Variants in NT5DC1 observed in about 807,000 individuals in gnomAD.
NT5DC1 encodes the protein 5'-nucleotidase domain containing 1.
In NT5DC1, 42 loss-of-function variants were observed where a neutral mutation model predicts 59.4. That is an observed-to-expected ratio of 0.71 (90% CI 0.55 to 0.92). NT5DC1 has a LOEUF of 0.92. NT5DC1 is among the 40% of genes least tolerant of loss of function. NT5DC1 has a pLI of 0.00. For synonymous variants in NT5DC1, 172 were observed against 188.1 expected, an observed-to-expected ratio of 0.91 and a Z score of 0.70; for missense variants, 501 against 537.1, an observed-to-expected ratio of 0.93 and a Z score of 0.66.
intron 9 of NT5DC1, chr6:116,237,513 G>C (rs768556310): frequency 2.2e-6 from 1 of 457,384 alleles, no homozygotes; most frequent in South Asian, 1.5e-5. Flanking sequence ...ACAGAGCCCT[G>C]CTCCATTGGC....
intron 6 of NT5DC1, among the ~76,000 whole-genome samples, chr6:116,138,301 G>T (rs956814143): frequency 6.6e-6 from 1 of 152,186 alleles, no homozygotes; most frequent in Non-Finnish European, 1.5e-5. Flanking sequence ...ACTGTTTTCT[G>T]TGGATATATT....
intron 6 of NT5DC1, among the ~76,000 whole-genome samples, chr6:116,164,222 T>C (rs2114435229): frequency 6.6e-6 from 1 of 152,318 alleles, no homozygotes; most frequent in East Asian, 1.9e-4. Flanking sequence ...GGCTTTTTAT[T>C]TTATTTTCTT....
At chr6:116,162,051 T>C (rs1780347466) in intron 6 of NT5DC1, among the ~76,000 whole-genome samples, 3 of 152,132 alleles carry the variant, frequency 2.0e-5, no homozygotes, top group Admixed American at 2.0e-4. Flanking sequence ...GTAAATGAGA[T>C]TGAGTTTTTT....
At chr6:116,231,148 T>TCCC (rs34977850) in intron 8 of NT5DC1, among the ~76,000 whole-genome samples, 2,993 of 116,526 alleles carry the variant, frequency 0.026, 104 homozygotes, top group East Asian at 0.15. Flanking sequence ...GAATGGTAAA[T>TCCC]CCCCCCCCCA....
intron 4 of NT5DC1, among the ~76,000 whole-genome samples, chr6:116,112,599 T>C (rs984418444): frequency 6.6e-6 from 1 of 152,226 alleles, no homozygotes; most frequent in African/African-American, 2.4e-5. Flanking sequence ...TTAGTTCTTC[T>C]AAATGCTGGG....
chr6:116,177,730 T>C (rs1780765039), intron 6 of NT5DC1, among the ~76,000 whole-genome samples: 1 of 151,394 alleles, frequency 6.6e-6, no homozygotes, highest in South Asian at 2.1e-4. Context: ...ATAATCTAAG[T>C]AATTAAATAA....
intron 6 of NT5DC1, among the ~76,000 whole-genome samples, chr6:116,174,616 G>A (rs139723916): frequency 6.6e-6 from 1 of 152,336 alleles, no homozygotes; most frequent in African/African-American, 2.4e-5. Flanking sequence ...AGGTAGAATA[G>A]AGAATTCAGG....
chr6:116,123,403 A>G (rs1300794656), intron 6 of NT5DC1, among the ~76,000 whole-genome samples: 1 of 152,182 alleles, frequency 6.6e-6, no homozygotes, highest in East Asian at 1.9e-4. Context: ...TTCATTCAAG[A>G]TTAGGGTGGC....
chr6:116,117,703 T>C (rs748410823), intron 5 of NT5DC1, among the ~76,000 whole-genome samples, 158 bp from the exon 6 acceptor site: 8 of 152,236 alleles, frequency 5.3e-5, no homozygotes, highest in Non-Finnish European at 1.5e-5. Flanking sequence ...AAGTTTCTAC[T>C]GAATCTTCAT....
chr6:116,249,392 C>G lies in NT5DC1; in HGVS notation c.*5368C>G, dbSNP rs1224286145. On this transcript the variant is annotated 3_prime_UTR_variant, in exon 12 of 12. Transcript: ENST00000319550. ...ATAGATTTTGTAGCATCCACAAAGCCCTCCTTACTGCAGAGAATGCAGAGG... is the reference window on the plus strand; with the variant it reads ...ATAGATTTTGTAGCATCCACAAAGCGCTCCTTACTGCAGAGAATGCAGAGG... 6.6e-6 allele frequency: 1 copy of G among 152,138 alleles called. No individual in the cohort carries two copies. The highest frequency in any genetic ancestry group is 2.4e-5 in the African/African-American group (1 of 41,452). 9.4% of individuals were successfully genotyped at this position (152,138 alleles called of 1,614,324 possible). A position where few individuals can be genotyped will look rare whatever the true frequency, so the allele number is the denominator to read the frequency against.
At chr6:116,190,173 T>G (rs927960357) in intron 6 of NT5DC1, among the ~76,000 whole-genome samples, 4 of 151,930 alleles carry the variant, frequency 2.6e-5, no homozygotes, top group Admixed American at 2.0e-4. Context: ...GGTCAACATA[T>G]GTTCATTTTC....
At chr6:116,171,165 G>A (rs1780596623) in intron 6 of NT5DC1, among the ~76,000 whole-genome samples, 1 of 151,868 alleles carries the variant, frequency 6.6e-6, no homozygotes, top group South Asian at 2.1e-4. Context: ...ATGAATATAT[G>A]TAAGGTTAAA....
At chr6:116,121,847 A>G in intron 6 of NT5DC1, 1 of 1,613,728 alleles carries the variant, frequency 6.2e-7, no homozygotes, top group Non-Finnish European at 8.5e-7. Flanking sequence ...CTCTCCTTGG[A>G]GTCCAGGACT....
intron 6 of NT5DC1, among the ~76,000 whole-genome samples, chr6:116,172,611 C>T (rs117867309): frequency 0.041 from 6,200 of 152,050 alleles, 158 homozygotes; most frequent in South Asian, 0.072. Context: ...TGAGCCACCG[C>T]GCCAGGCCAC....
chr6:116,189,058 A>G (rs1354538164), intron 6 of NT5DC1, among the ~76,000 whole-genome samples: 1 of 151,952 alleles, frequency 6.6e-6, no homozygotes, highest in Non-Finnish European at 1.5e-5. Flanking sequence ...TCACAGTTAA[A>G]GTCATTATCA....
At chr6:116,224,478 T>TA (rs1392333342) in intron 8 of NT5DC1, among the ~76,000 whole-genome samples, 2 of 152,156 alleles carry the variant, frequency 1.3e-5, no homozygotes, top group Non-Finnish European at 2.9e-5. Flanking sequence ...CCTTATGAGG[T>TA]ACAGTATATG....
intron 6 of NT5DC1, among the ~76,000 whole-genome samples, chr6:116,150,118 T>G (rs968592800): frequency 6.6e-6 from 1 of 152,126 alleles, no homozygotes; most frequent in African/African-American, 2.4e-5. Context: ...GTCGAGTCTT[T>G]GACAAGGGCA....
intron 2 of NT5DC1, among the ~76,000 whole-genome samples, chr6:116,107,389 T>C (rs888739614): frequency 3.3e-5 from 5 of 151,556 alleles, no homozygotes; most frequent in Non-Finnish European, 7.4e-5. Context: ...TGTCATTTTT[T>C]GTTTAATTCC....
chr6:116,228,360 C>G (rs919007404), intron 8 of NT5DC1, among the ~76,000 whole-genome samples: 1 of 152,104 alleles, frequency 6.6e-6, no homozygotes, highest in African/African-American at 2.4e-5. Flanking sequence ...AATATAAAAT[C>G]AGGCGGGCAT....
Sources: allele counts gnomAD v4.1 joint callset (sites outside exome capture counted in the v4.1 genomes callset), GRCh38; gene constraint gnomAD v4.1.1; transcripts MANE v1.5; gene names NCBI Gene and HGNC (gene_info 2026-07-23, HGNC 2026-07-21).